MINDY4: variants seen among roughly 807,000 people sequenced by gnomAD.
MINDY4 encodes the protein probable ubiquitin carboxyl-terminal hydrolase MINDY-4.
In MINDY4, 68 loss-of-function variants were observed where a neutral mutation model predicts 87.0. The ratio of observed to expected loss-of-function variants is 0.78; its 90% CI spans 0.64 to 0.96. MINDY4 has a LOEUF of 0.96. MINDY4 is among the 40% of genes least tolerant of loss of function. The pLI, the probability that MINDY4 is intolerant of heterozygous loss-of-function variation, is 0.00. For synonymous variants in MINDY4, 379 were observed against 363.2 expected (o/e 1.04, Z -0.50); for missense variants, 919 against 928.2 (o/e 0.99, Z 0.13).
intron 5 of MINDY4, among the ~76,000 whole-genome samples, chr7:30,819,060 CTTTTTCATCTTGCATTTA>C (rs989248139): frequency 1.2e-4 from 19 of 152,030 alleles, no homozygotes; most frequent in African/African-American, 4.6e-4. Context: ...ATTTCATTAA[CTTTTTCATCTTGCATTTA>C]TTTTTCCTCC....
chr7:30,877,158 C>T (rs1790285539), intron 15 of MINDY4, among the ~76,000 whole-genome samples: 1 of 152,100 alleles, frequency 6.6e-6, no homozygotes, highest in Non-Finnish European at 1.5e-5. Flanking sequence ...GTGAGAAGCA[C>T]CAGGGCTCTC....
intron 1 of MINDY4, among the ~76,000 whole-genome samples, chr7:30,774,194 C>G (rs1786734183): frequency 6.6e-6 from 1 of 152,238 alleles, no homozygotes; most frequent in Non-Finnish European, 1.5e-5. Context: ...AACCCTGAAG[C>G]TCCTTCCCCA....
intron 9 of MINDY4, among the ~76,000 whole-genome samples, chr7:30,847,493 T>G (rs1789258049): frequency 6.6e-6 from 1 of 152,164 alleles, no homozygotes; most frequent in Non-Finnish European, 1.5e-5. Flanking sequence ...TTGGTTCTAC[T>G]TACCCAAGCT....
intron 9 of MINDY4, among the ~76,000 whole-genome samples, chr7:30,850,016 C>T (rs545808214): frequency 2.0e-4 from 31 of 152,344 alleles, no homozygotes; most frequent in African/African-American, 5.5e-4. Context: ...CCTGCCTGTA[C>T]GTGCTACTGA....
chr7:30,861,054 G>C (rs779807597), intron 13 of MINDY4, among the ~76,000 whole-genome samples: 2 of 152,130 alleles, frequency 1.3e-5, no homozygotes, highest in Non-Finnish European at 2.9e-5. Flanking sequence ...GACACACACA[G>C]AGACACATAG....
chr7:30,831,258 C>G (rs1046783533), intron 6 of MINDY4, among the ~76,000 whole-genome samples: 8 of 152,166 alleles, frequency 5.3e-5, no homozygotes, highest in Admixed American at 3.3e-4. Flanking sequence ...GCCTCCCTCT[C>G]TGCTCTGAAA....
intron 8 of MINDY4, among the ~76,000 whole-genome samples, chr7:30,839,889 T>G (rs1384215065): frequency 6.6e-6 from 1 of 152,080 alleles, no homozygotes; most frequent in East Asian, 1.9e-4. Flanking sequence ...TCCCACATTA[T>G]ACTCATGGGC....
intron 14 of MINDY4, 140 bp downstream of exon 14, chr7:30,872,446 G>A (rs1033172476): frequency 3.7e-5 from 27 of 729,274 alleles, no homozygotes; most frequent in South Asian, 2.3e-4. Flanking sequence ...CAGCTTTCAC[G>A]TGCCCACCTC....
At chr7:30,807,620 C>T (rs575703479) in intron 5 of MINDY4, among the ~76,000 whole-genome samples, 79 of 152,174 alleles carry the variant, frequency 5.2e-4, no homozygotes, top group Non-Finnish European at 1.0e-3. Context: ...ATGAAATCCA[C>T]AAGCAGACAG....
Position 30,831,447 on chromosome 7 carries a change from C to A in MINDY4, c.1132+2710C>A, listed in dbSNP as rs539957592. 2.7e-3 allele frequency among the ~76,000 whole-genome samples: 404 copies of A among 152,168 alleles called. 4 individuals carry two copies. The highest frequency in any genetic ancestry group is 9.4e-3 in the African/African-American group (390 of 41,490). The stretch of plus-strand genomic sequence containing the variant: ...GGTGCTAAAGAATGCACTTGCTGAG[C>A]AAATAGAAAGATAAGGACATATTCC... On this transcript the variant is annotated intron_variant, in intron 6 of 17. Coordinates refer to ENST00000265299, the MANE Select transcript of MINDY4 (RefSeq NM_032222.3).
intron 5 of MINDY4, among the ~76,000 whole-genome samples, chr7:30,816,393 A>G (rs1788150824): frequency 6.6e-6 from 1 of 152,186 alleles, no homozygotes; most frequent in South Asian, 2.1e-4. Context: ...AACTGATTTC[A>G]GATCTTGCTC....
chr7:30,792,560 TTTC>T (rs1211244968), intron 5 of MINDY4, among the ~76,000 whole-genome samples: 11 of 152,222 alleles, frequency 7.2e-5, no homozygotes, highest in Non-Finnish European at 8.8e-5. Flanking sequence ...AAATTTCAAC[TTTC>T]TTCTTGTGTA....
chr7:30,872,664 G>C (rs1261364130), intron 14 of MINDY4, among the ~76,000 whole-genome samples: 1 of 152,246 alleles, frequency 6.6e-6, no homozygotes, highest in East Asian at 1.9e-4. Context: ...CCTGGGTCCA[G>C]CTGGGGAGAT....
chr7:30,789,624 G>C (rs1337734250), intron 4 of MINDY4, among the ~76,000 whole-genome samples: 1 of 152,234 alleles, frequency 6.6e-6, no homozygotes, highest in African/African-American at 2.4e-5. Context: ...TTGTGGAGGG[G>C]ATGTCCTGAG....
At position 30,892,068 on chromosome 7, in the gene MINDY4, T is replaced by C; in HGVS notation, c.*63T>C. ...TCACCTCATCACCGAGGATGACAGC[T>C]GAACCCCAAGCCTCTGGGGCAGGTC... On this transcript the variant is annotated 3_prime_UTR_variant, in exon 18 of 18. Transcript: ENST00000265299. The C allele has an allele frequency of 6.3e-7, 1 of 1,581,338 alleles. No individual in the cohort carries two copies. Among genetic ancestry groups the C allele is most frequent in the Non-Finnish European group, 8.7e-7 (1 of 1,150,396 alleles).
intron 5 of MINDY4, among the ~76,000 whole-genome samples, chr7:30,807,034 G>GTT (rs1326111648): frequency 6.6e-6 from 1 of 152,208 alleles, no homozygotes; most frequent in Non-Finnish European, 1.5e-5. Flanking sequence ...GTGTCACTTT[G>GTT]TTTAGCCTTT....
chr7:30,787,254 A>G (rs1245516782), intron 4 of MINDY4, among the ~76,000 whole-genome samples: 1 of 152,150 alleles, frequency 6.6e-6, no homozygotes, highest in African/African-American at 2.4e-5. Flanking sequence ...CCTTCCCGCC[A>G]CTGTGTAGTT....
In MINDY4 at chr7:30,875,574, G is replaced by A. The variant is rs750859124; in HGVS notation, c.1889G>A (p.Gly630Glu). ...GTGGTTGAGCTGGATTCTGGGGATGGGAACATCACACTTCTCAGAGGCATT... is the reference window on the plus strand; with the variant it reads ...GTGGTTGAGCTGGATTCTGGGGATGAGAACATCACACTTCTCAGAGGCATT... Reference protein sequence around the residue: ...NDVVELDSGDGNITLLRGIAA... With the variant: ...NDVVELDSGDENITLLRGIAA... Residue 630 changes from glycine (G) to glutamate (E), a missense_variant, in exon 15 of 18, where the codon GGG becomes GAG. Coordinates refer to ENST00000265299, the MANE Select transcript of MINDY4 (RefSeq NM_032222.3). 5.5e-5 allele frequency: 88 copies of A among 1,614,082 alleles called. No homozygotes were observed. Among genetic ancestry groups the A allele is most frequent in the Non-Finnish European group, 6.4e-5 (76 of 1,180,038 alleles).
Position 30,881,818 on chromosome 7 carries a change from C to T in MINDY4, c.1972-363C>T, listed in dbSNP as rs549345439. On this transcript the variant is annotated intron_variant, in intron 15 of 17. Transcript: ENST00000265299. ...GAAGAATTGGTTAGGAGGTCACTGCCGTGGTGCAGGTTGGAGGCTGAGTAG... is the reference window on the plus strand; with the variant it reads ...GAAGAATTGGTTAGGAGGTCACTGCTGTGGTGCAGGTTGGAGGCTGAGTAG... 5.9e-5 allele frequency among the ~76,000 whole-genome samples: 9 copies of T among 152,166 alleles called. No individual in the cohort carries two copies. In the South Asian group the frequency reaches 1.2e-3, roughly 21 times the overall value.
Sources: allele counts gnomAD v4.1 joint callset (sites outside exome capture counted in the v4.1 genomes callset), GRCh38; gene constraint gnomAD v4.1.1; transcripts MANE v1.5; gene names NCBI Gene and HGNC (gene_info 2026-07-23, HGNC 2026-07-21).